The following VWDE variants were observed in gnomAD, a reference collection of about 807,000 sequenced individuals.
The protein encoded by VWDE is von Willebrand factor D and EGF domain-containing protein.
Under a neutral mutation model 178.4 loss-of-function variants are expected in VWDE, and 207 were observed. The observed-to-expected ratio is 1.16, with a 90% CI of 1.04 to 1.30. The LOEUF is 1.30. VWDE is among the 50% of genes most tolerant of loss of function. VWDE has a pLI of 0.00. For missense variants in VWDE, 2,287 were observed against 1,901.3 expected, an observed-to-expected ratio of 1.20 and a Z score of -3.77; for synonymous variants, 738 against 651.4, an observed-to-expected ratio of 1.13 and a Z score of -2.02.
chr7:12,402,104 G>A (rs1319937291), intron 1 of VWDE, among the ~76,000 whole-genome samples: 1 of 152,206 alleles, frequency 6.6e-6, no homozygotes, highest in Non-Finnish European at 1.5e-5. Context: ...AATGCAATGA[G>A]ACAGAAAGTA....
chr7:12,353,383 A>T (rs549629428), intron 18 of VWDE, among the ~76,000 whole-genome samples: 5 of 149,620 alleles, frequency 3.3e-5, no homozygotes, highest in Non-Finnish European at 7.4e-5. Context: ...CTCCAAATAT[A>T]GCCACACTGG....
rs371745055 is a variant in VWDE, at chr7:12,389,256, A to G, written c.346T>C (p.Trp116Arg). 203 of 1,551,594 alleles carry G rather than the reference A, an allele frequency of 1.3e-4. No homozygotes were observed. Among genetic ancestry groups the G allele is most frequent in the Non-Finnish European group, 1.7e-4 (195 of 1,146,998 alleles). ...EIKQLTACAT[W>R]QFLFSTTKDC... ...TTTGTAGTGCTGAACAAAAACTGCC[A>G]TGTTGCACAAGCTGTCAATTGCTTG... The change falls in exon 3 of 29, where the codon TGG becomes CGG. Residue 116 changes from tryptophan to arginine, a missense_variant. Trp to Arg is a moderately radical substitution (Grantham distance 101). Coordinates refer to ENST00000275358, the MANE Select transcript of VWDE (RefSeq NM_001135924.3).
At chr7:12,385,955 A>G (rs1014595630) in intron 3 of VWDE, among the ~76,000 whole-genome samples, 2 of 152,184 alleles carry the variant, frequency 1.3e-5, no homozygotes, top group African/African-American at 2.4e-5. Flanking sequence ...TTAAATTTGG[A>G]AGGGATGTCA....
chr7:12,356,123 G>T lies in VWDE; in HGVS notation c.3733C>A (p.Pro1245Thr). 2 of 1,551,090 alleles carry T rather than the reference G, an allele frequency of 1.3e-6. No individual in the cohort carries two copies. The highest frequency in any genetic ancestry group is 2.4e-5 in the South Asian group (2 of 84,034). Residue 1245 changes from proline to threonine, a missense_variant, in exon 18 of 29, where the codon CCT becomes ACT. Coordinates refer to ENST00000275358, the MANE Select transcript of VWDE (RefSeq NM_001135924.3). The stretch of plus-strand genomic sequence containing the variant: ...AGCAAAATCTTACCTTTGAGCTCAG[G>T]TGGACAATCACAGGAATAACTGTGA... ...GFHSYSCDCP[P>T]ELKVETQFVN...
chr7:12,346,877 T>C (rs916855559), intron 19 of VWDE, among the ~76,000 whole-genome samples: 12 of 152,048 alleles, frequency 7.9e-5, no homozygotes, highest in Admixed American at 2.6e-4. Flanking sequence ...TAAGATTTTA[T>C]GTAAATCAAA....
Position 12,370,310 on chromosome 7 carries a change from C to G in VWDE, c.1996G>C (p.Asp666His). ...GAATTAATATATTCGGAGGTGACAT[C>G]TAGTTCTGGTATCAAAGAAGATAAG... ...VSLSSLIPELDVTSEYINSDT... is the reference protein window; with the variant it reads ...VSLSSLIPELHVTSEYINSDT... Residue 666 changes from aspartate to histidine, a missense_variant, in exon 12 of 29, where the codon GAT becomes CAT. Coordinates refer to ENST00000275358, the MANE Select transcript of VWDE (RefSeq NM_001135924.3). The G allele has an allele frequency of 6.4e-7, 1 of 1,551,136 alleles. No homozygotes were observed. The highest frequency in any genetic ancestry group is 8.7e-7 in the Non-Finnish European group (1 of 1,146,812).
At chr7:12,370,594 G>A in intron 11 of VWDE, 62 bp downstream of exon 11, 1 of 1,534,172 alleles carries the variant, frequency 6.5e-7, no homozygotes, top group East Asian at 2.5e-5. Context: ...GCAGAGTGTT[G>A]AGCCACCACC....
rs1207043793 is a variant in VWDE, at chr7:12,403,654, CT to C, written c.58+4del. On this transcript the variant is annotated splice_donor_region_variant and intron_variant, in intron 1 of 28. Transcript: ENST00000275358. Reference sequence around the variant, plus strand: ...GCCCACCCCCGCGCGCCCTACCTCGCTTACCTTCCCCCCAGGCCAGGAACAT... The same window carrying C: ...GCCCACCCCCGCGCGCCCTACCTCGCTACCTTCCCCCCAGGCCAGGAACAT... 3.9e-6 allele frequency: 6 copies of C among 1,542,638 alleles called. No homozygotes were observed. In the African/African-American group the frequency reaches 5.5e-5, roughly 14 times the overall value.
At chr7:12,379,636 T>A in intron 5 of VWDE, 70 bp from the exon 6 acceptor site, 1 of 1,101,988 alleles carries the variant, frequency 9.1e-7, no homozygotes, top group Non-Finnish European at 1.3e-6. Flanking sequence ...TTATCACTTT[T>A]AAAATCCTAA....
chr7:12,376,133 A>G (rs1019692387), intron 7 of VWDE, among the ~76,000 whole-genome samples: 2 of 152,086 alleles, frequency 1.3e-5, no homozygotes, highest in African/African-American at 2.4e-5. Flanking sequence ...CCATGCACAT[A>G]AAAAATAACA....
At position 12,370,322 on chromosome 7, in the gene VWDE, T is replaced by A. The variant is rs964357571; in HGVS notation, c.1984A>T (p.Ile662Leu). 5.2e-6 allele frequency: 8 copies of A among 1,551,180 alleles called. No individual in the cohort carries two copies. The highest frequency in any genetic ancestry group is 7.0e-6 in the Non-Finnish European group (8 of 1,146,836). The change falls in exon 12 of 29, where the codon ATA becomes TTA. Residue 662 changes from isoleucine to leucine, a missense_variant. Ile to Leu is a conservative substitution (Grantham distance 5). Coordinates refer to ENST00000275358, the MANE Select transcript of VWDE (RefSeq NM_001135924.3). ...DLNHVSLSSL[I>L]PELDVTSEYI... ...TCGGAGGTGACATCTAGTTCTGGTA[T>A]CAAAGAAGATAAGCTGACATGATTG...
At chr7:12,372,709 G>A (rs1364312486) in intron 10 of VWDE, among the ~76,000 whole-genome samples, 4 of 151,830 alleles carry the variant, frequency 2.6e-5, no homozygotes, top group Non-Finnish European at 2.9e-5. Flanking sequence ...TTTATTACAC[G>A]TTGTTAAAAG....
chr7:12,388,825 T>A, intron 3 of VWDE: 1 of 498,956 alleles, frequency 2.0e-6, no homozygotes, highest in Non-Finnish European at 3.8e-6. Flanking sequence ...CATCCTTTAA[T>A]TAAAACAGGA....
chr7:12,377,267 T>G (rs1019639214), intron 7 of VWDE, among the ~76,000 whole-genome samples: 1 of 152,076 alleles, frequency 6.6e-6, no homozygotes, highest in Non-Finnish European at 1.5e-5. Flanking sequence ...GTAATTGAAA[T>G]AGAAGAATTT....
intron 13 of VWDE, among the ~76,000 whole-genome samples, chr7:12,362,260 T>C (rs897295893): frequency 2.0e-5 from 3 of 151,266 alleles, no homozygotes; most frequent in Non-Finnish European, 4.4e-5. Flanking sequence ...AATGCACACA[T>C]ACTGAGTCTT....
intron 7 of VWDE, among the ~76,000 whole-genome samples, chr7:12,376,968 T>G (rs1783564257): frequency 6.6e-6 from 1 of 152,120 alleles, no homozygotes; most frequent in African/African-American, 2.4e-5. Flanking sequence ...CATGAAGGTC[T>G]ATAGATACCT....
intron 21 of VWDE, 119 bp from the exon 22 acceptor site, chr7:12,343,297 C>A (rs1376668349): frequency 4.7e-5 from 29 of 618,952 alleles, no homozygotes; most frequent in Non-Finnish European, 6.2e-5. Flanking sequence ...ACATTAAGCT[C>A]TCTTTTACTA....
In VWDE at chr7:12,393,589, C is replaced by T. The variant is rs146337520; in HGVS notation, c.243+5G>A. 2.6e-6 allele frequency: 4 copies of T among 1,540,814 alleles called. No homozygotes were observed. Among genetic ancestry groups the T allele is most frequent in the African/African-American group, 1.4e-5 (1 of 72,604 alleles). On this transcript the variant is annotated splice_donor_5th_base_variant and intron_variant, in intron 2 of 28. Coordinates refer to ENST00000275358, the MANE Select transcript of VWDE (RefSeq NM_001135924.3). ...TAACATGCAGTACTTAGGGAGTTGACATACCTCAACACATTTGGTTGGCAT... is the reference window on the plus strand; with the variant it reads ...TAACATGCAGTACTTAGGGAGTTGATATACCTCAACACATTTGGTTGGCAT...
rs1254309608 is a variant in VWDE, at chr7:12,373,170, T to G, written c.1394A>C (p.Gln465Pro). 16 of 1,551,274 alleles carry G rather than the reference T, an allele frequency of 1.0e-5. No individual in the cohort carries two copies. The highest frequency in any genetic ancestry group is 1.3e-5 in the Non-Finnish European group (15 of 1,146,802). ...ATAGTGAAGGCTTCTGCAGTCCCAC[T>G]GACGTACATGGACTTCAAAATCACG... ...MSRDFEVHVRQWDCRSLHYPV... is the reference protein window; with the variant it reads ...MSRDFEVHVRPWDCRSLHYPV... Residue 465 changes from glutamine to proline, a missense_variant, in exon 10 of 29, where the codon CAG (glutamine) becomes CCG (proline). Coordinates refer to ENST00000275358, the MANE Select transcript of VWDE (RefSeq NM_001135924.3).
Sources: gnomAD v4.1 joint callset for allele counts (sites outside exome capture counted in the v4.1 genomes callset) on GRCh38, gnomAD v4.1.1 for gene constraint, MANE v1.5 for transcripts, NCBI Gene and HGNC (gene_info 2026-07-23, HGNC 2026-07-21) for gene names.